GDF1: variants seen among roughly 807,000 people sequenced by gnomAD.
GDF1 encodes the protein growth differentiation factor 1.
In GDF1, 8 loss-of-function variants were observed where a neutral mutation model predicts 7.4. The ratio of observed to expected loss-of-function variants is 1.09; its 90% CI spans 0.64 to 1.96. The LOEUF is 1.96. GDF1 is among the 30% of genes most tolerant of loss of function. The pLI is 0.00. For missense variants in GDF1, 574 were observed against 551.5 expected (o/e 1.04, Z -0.41); for synonymous variants, 311 against 276.7 (o/e 1.12, Z -1.23).
chr19:18,884,194 G>A lies in GDF1; in HGVS notation c.-840C>T. 1 of 1,613,718 alleles carries A rather than the reference G, an allele frequency of 6.2e-7. No individual in the cohort carries two copies. The highest frequency in any genetic ancestry group is 8.5e-7 in the Non-Finnish European group (1 of 1,179,840). The stretch of plus-strand genomic sequence containing the variant: ...CCATGTATAGCGTAGCGTAGATGGA[G>A]TGGCCATAGAAGCTTCCCTGGAGCA... On this transcript the variant is annotated 5_prime_UTR_variant, in exon 3 of 8. Transcript: ENST00000247005.
At chr19:18,877,861 A>C in intron 6 of GDF1, 1 of 586,014 alleles carries the variant, frequency 1.7e-6, no homozygotes, top group Non-Finnish European at 2.1e-6. Context: ...AACCCATGTG[A>C]CCCTCTGCCC....
intron 6 of GDF1, among the ~76,000 whole-genome samples, chr19:18,873,175 A>T (rs555115437): frequency 6.6e-6 from 1 of 152,256 alleles, no homozygotes; most frequent in East Asian, 1.9e-4. Flanking sequence ...ACACTAGTCT[A>T]TCACTAGAGA....
chr19:18,885,515 T>TTTTTG (rs1555705559), intron 2 of GDF1, among the ~76,000 whole-genome samples: 1 of 19,424 alleles, frequency 5.1e-5, no homozygotes, highest in African/African-American at 1.5e-4. Flanking sequence ...CTTCTCGTTT[T>TTTTTG]TTTTTTTTTT....
chr19:18,893,596 G>C (rs757515801), intron 1 of GDF1, 21 bp from the exon 2 acceptor site: 1 of 1,595,836 alleles, frequency 6.3e-7, no homozygotes, highest in South Asian at 1.1e-5. Context: ...GAAGACAGGC[G>C]GGCAGCCATT....
In GDF1 at chr19:18,895,116, C is replaced by T. The variant is rs879800263; in HGVS notation, c.-1074+708G>A. Reference sequence around the variant, plus strand: ...GCAGCACAGTCCAACCCTGAAGCCCCGGGCCATGTCACCTCCAAGGGAGCG... The same window carrying T: ...GCAGCACAGTCCAACCCTGAAGCCCTGGGCCATGTCACCTCCAAGGGAGCG... On this transcript the variant is annotated intron_variant, in intron 1 of 7. Coordinates refer to ENST00000247005, the MANE Select transcript of GDF1 (RefSeq NM_001492.6). The surrounding 1 kb of genome is among the most constrained non-coding windows in gnomAD (Gnocchi z 6.4). Among the ~76,000 whole-genome samples, 4 of 152,240 alleles carry T rather than the reference C, an allele frequency of 2.6e-5. No homozygotes were observed. Among genetic ancestry groups the T allele is most frequent in the Non-Finnish European group, 4.4e-5 (3 of 68,034 alleles).
chr19:18,874,384 G>C (rs890294777), intron 6 of GDF1, among the ~76,000 whole-genome samples: 10 of 152,322 alleles, frequency 6.6e-5, no homozygotes, highest in African/African-American at 2.4e-4. Flanking sequence ...GCTCACTGCA[G>C]CCTTGACCTC....
At position 18,884,569 on chromosome 19, in the gene GDF1, G is replaced by A. The variant is rs181105183; in HGVS notation, c.-913-302C>T. Among the ~76,000 whole-genome samples the A allele has an allele frequency of 3.8e-3, 570 of 151,918 alleles. 4 individuals are homozygous for A. The highest frequency in any genetic ancestry group is 0.013 in the African/African-American group (527 of 41,426). On this transcript the variant is annotated intron_variant, in intron 2 of 7. Coordinates refer to ENST00000247005, the MANE Select transcript of GDF1 (RefSeq NM_001492.6). Reference sequence around the variant, plus strand: ...ACTACAGGTGCATGCCACCAAGCCCGGCTAATTTTTTGTATTTTTAGTAGA... The same window carrying A: ...ACTACAGGTGCATGCCACCAAGCCCAGCTAATTTTTTGTATTTTTAGTAGA...
intron 2 of GDF1, among the ~76,000 whole-genome samples, chr19:18,893,134 C>T (rs981706479): frequency 3.9e-5 from 6 of 152,080 alleles, no homozygotes; most frequent in Admixed American, 1.3e-4. Flanking sequence ...AGGATGGTCT[C>T]GATCTCCTAA....
At chr19:18,879,454 A>G in intron 4 of GDF1, 66 bp from the exon 5 acceptor site, 2 of 1,526,690 alleles carry the variant, frequency 1.3e-6, no homozygotes, top group Admixed American at 2.0e-5. Context: ...TCCCTGTCCT[A>G]TCCCGTCCTA....
intron 3 of GDF1, among the ~76,000 whole-genome samples, chr19:18,882,463 T>A (rs2056235613): frequency 6.6e-6 from 1 of 151,468 alleles, no homozygotes; most frequent in Non-Finnish European, 1.5e-5. Context: ...TGAAACCCCA[T>A]CTCTACTAAA....
At chr19:18,893,991 C>T (rs2056562715) in intron 1 of GDF1, among the ~76,000 whole-genome samples, 1 of 150,954 alleles carries the variant, frequency 6.6e-6, no homozygotes, top group African/African-American at 2.4e-5. Context: ...GGGACCGACA[C>T]AGAGGGGAGA....
At chr19:18,876,509 T>TTTTTG (rs1297037794) in intron 6 of GDF1, among the ~76,000 whole-genome samples, 3 of 149,660 alleles carry the variant, frequency 2.0e-5, no homozygotes, top group South Asian at 2.1e-4. Context: ...ACATGGCTGT[T>TTTTTG]TTTTGTTTTG....
rs2055946510 is a variant in GDF1, at chr19:18,870,373, G to A, written c.-66C>T. Reference sequence around the variant, plus strand: ...GGCGGCCCGGGACCAGTGGGCTGAGGGCGGGGCCGGTGTCCCCGGAGGGGC... The same window carrying A: ...GGCGGCCCGGGACCAGTGGGCTGAGAGCGGGGCCGGTGTCCCCGGAGGGGC... On this transcript the variant is annotated 5_prime_UTR_variant, in exon 7 of 8. Transcript: ENST00000247005. The surrounding 1 kb of genome is among the most constrained non-coding windows in gnomAD (Gnocchi z 5.1). 2 of 1,530,132 alleles carry A rather than the reference G, an allele frequency of 1.3e-6. No homozygotes were observed. The highest frequency in any genetic ancestry group is 1.8e-6 in the Non-Finnish European group (2 of 1,138,030). 94.8% of individuals were successfully genotyped at this position (1,530,132 alleles called of 1,614,324 possible). A position where few individuals can be genotyped will look rare whatever the true frequency, so the allele number is the denominator to read the frequency against.
At chr19:18,875,684 TG>T (rs2056048372) in intron 6 of GDF1, among the ~76,000 whole-genome samples, 1 of 152,212 alleles carries the variant, frequency 6.6e-6, no homozygotes, top group Non-Finnish European at 1.5e-5. Context: ...TTAATTTTCT[TG>T]GTCATGAGAC....
chr19:18,877,378 A>T (rs970882408), intron 6 of GDF1, among the ~76,000 whole-genome samples: 1 of 152,148 alleles, frequency 6.6e-6, no homozygotes, highest in Non-Finnish European at 1.5e-5. Context: ...TGGTGTCTAG[A>T]TGTGGCCAAA....
At chr19:18,889,764 G>A (rs1429674469) in intron 2 of GDF1, among the ~76,000 whole-genome samples, 3 of 152,036 alleles carry the variant, frequency 2.0e-5, no homozygotes, top group Non-Finnish European at 4.4e-5. Context: ...CCCACCTGCT[G>A]TTGGGACACT....
chr19:18,882,666 A>G (rs1246947140), intron 3 of GDF1, among the ~76,000 whole-genome samples: 1 of 150,806 alleles, frequency 6.6e-6, no homozygotes, highest in Non-Finnish European at 1.5e-5. Flanking sequence ...TAAATAAGAT[A>G]AAGTAATTTT....
rs1421396867 is a variant in GDF1 at position 18,869,240 on chromosome 19, G to C, written c.476C>G (p.Pro159Arg). ...LRFAAAAAAA[P>R]EGGWELSVAQ... Reference sequence around the variant, plus strand: ...CACGCTCAGCTCCCAGCCGCCCTCCGGGGCTGCCGCCGCCGCCGCCGCGAA... The same window carrying C: ...CACGCTCAGCTCCCAGCCGCCCTCCCGGGCTGCCGCCGCCGCCGCCGCGAA... Residue 159 changes from proline (P) to arginine (R), a missense_variant, in exon 8 of 8, where the codon CCG (proline) becomes CGG (arginine). Physicochemically the swap from Pro to Arg is moderately radical, Grantham distance 103. Transcript: ENST00000247005. 3.4e-5 allele frequency: 48 copies of C among 1,419,656 alleles called. No individual in the cohort carries two copies. Among genetic ancestry groups the C allele is most frequent in the Non-Finnish European group, 4.1e-5 (45 of 1,098,060 alleles). 87.9% of individuals were successfully genotyped at this position (1,419,656 alleles called of 1,614,324 possible).
At chr19:18,874,261 G>T (rs916156392) in intron 6 of GDF1, among the ~76,000 whole-genome samples, 1 of 152,182 alleles carries the variant, frequency 6.6e-6, no homozygotes, top group Admixed American at 6.5e-5. Context: ...CAGGAGAGAA[G>T]ATGCTCCTAC....
Sources: gnomAD v4.1 joint callset for allele counts (sites outside exome capture counted in the v4.1 genomes callset) on GRCh38, gnomAD v4.1.1 for gene constraint, Gnocchi (gnomAD v3.1) non-coding constraint, MANE v1.5 for transcripts, NCBI Gene and HGNC (gene_info 2026-07-23, HGNC 2026-07-21) for gene names.